The following ATG7 variants were observed in gnomAD, a reference collection of about 807,000 sequenced individuals.
ATG7 encodes autophagy related 7.
In ATG7, 70 loss-of-function variants were observed where a neutral mutation model predicts 82.4. The ratio of observed to expected loss-of-function variants is 0.85; its 90% CI spans 0.70 to 1.04. The LOEUF (loss-of-function observed/expected upper bound fraction) is 1.04, where lower values mean the gene tolerates loss of function less well. Ranked by LOEUF, ATG7 falls within the 50% of genes least tolerant of loss-of-function variation. The probability of loss-of-function intolerance (pLI) is 0.00; values close to 1 mark genes in which losing one functional copy is unlikely to be tolerated. For missense variants in ATG7, 792 were observed against 864.3 expected (o/e 0.92, Z 1.05); for synonymous variants, 287 against 313.0 (o/e 0.92, Z 0.88).
intron 19 of ATG7, among the ~76,000 whole-genome samples, chr3:11,417,887 T>C (rs2152927269): frequency 6.7e-6 from 1 of 150,208 alleles, no homozygotes; most frequent in South Asian, 2.1e-4. Context: ...CTTGGCTCAC[T>C]GAAAGCTCTG....
At chr3:11,449,373 A>C (rs2084885675) in intron 20 of ATG7, among the ~76,000 whole-genome samples, 1 of 152,150 alleles carries the variant, frequency 6.6e-6, no homozygotes, top group Admixed American at 6.5e-5. Flanking sequence ...CCATCTCTTA[A>C]ACCAACAACA....
At chr3:11,446,709 A>G (rs941769201) in intron 20 of ATG7, 5 of 244,716 alleles carry the variant, frequency 2.0e-5, no homozygotes, top group African/African-American at 1.2e-4. Context: ...CCCCACTGCC[A>G]GGGACTCAAC....
the ATG7 span, among the ~76,000 whole-genome samples, chr3:11,566,515 G>A: frequency 1.3e-5 from 2 of 152,114 alleles, no homozygotes; most frequent in African/African-American, 4.8e-5. Context: ...AGCTCAGCAC[G>A]GGCCTTGGTA....
chr3:11,568,457 GAAGGGGACTT>G, the ATG7 span: 1 of 1,137,220 alleles, frequency 8.8e-7, no homozygotes, highest in Admixed American at 2.1e-5. The surrounding 1 kb of genome is among the most constrained non-coding windows in gnomAD (Gnocchi z 5.9). Flanking sequence ...GCAGCAGGGA[GAAGGGGACTT>G]CCAGGCCCAC....
At chr3:11,411,204 G>A (rs1041302408) in intron 19 of ATG7, among the ~76,000 whole-genome samples, 1 of 152,136 alleles carries the variant, frequency 6.6e-6, no homozygotes, top group Middle Eastern at 3.2e-3. Flanking sequence ...GTGATGTTGA[G>A]CATCTTTTCG....
intron 20 of ATG7, among the ~76,000 whole-genome samples, chr3:11,543,155 C>T (rs530278626): frequency 2.0e-5 from 3 of 152,200 alleles, no homozygotes; most frequent in South Asian, 2.1e-4. Flanking sequence ...TCCTTTTAAT[C>T]TCCTCATCCC....
At chr3:11,308,074 CT>C (rs1336108865) in intron 6 of ATG7, among the ~76,000 whole-genome samples, 1 of 152,242 alleles carries the variant, frequency 6.6e-6, no homozygotes, top group African/African-American at 2.4e-5. Flanking sequence ...CTCCTAGCAG[CT>C]TCTGCCCCAT....
intron 18 of ATG7, among the ~76,000 whole-genome samples, chr3:11,370,386 C>T (rs915566666): frequency 6.6e-6 from 1 of 151,086 alleles, no homozygotes; most frequent in African/African-American, 2.4e-5. Context: ...AAGCTCTTAG[C>T]TGAAACAAAG....
intron 20 of ATG7, among the ~76,000 whole-genome samples, chr3:11,517,506 G>T (rs1010105303): frequency 1.3e-5 from 2 of 152,164 alleles, no homozygotes; most frequent in African/African-American, 4.8e-5. Flanking sequence ...CGGATCTCTG[G>T]TCTAGTCGGA....
chr3:11,374,892 C>CAAAA (rs55855960), intron 18 of ATG7, among the ~76,000 whole-genome samples: 8 of 73,518 alleles, frequency 1.1e-4, no homozygotes, highest in South Asian at 4.9e-4. Flanking sequence ...CAACAGAGCT[C>CAAAA]AAAAAAAAAA....
At chr3:11,391,979 T>A (rs1576002559) in intron 19 of ATG7, among the ~76,000 whole-genome samples, 1 of 151,762 alleles carries the variant, frequency 6.6e-6, no homozygotes, top group Non-Finnish European at 1.5e-5. Context: ...TAATTTCACT[T>A]TAAATTTTTA....
intron 20 of ATG7, among the ~76,000 whole-genome samples, chr3:11,459,071 A>G (rs1321329149): frequency 1.3e-5 from 2 of 152,012 alleles, no homozygotes; most frequent in African/African-American, 4.8e-5. Flanking sequence ...CCCTGGTGTC[A>G]GAAAAGTTTG....
chr3:11,561,404 C>T (rs1317171785), downstream of ATG7, among the ~76,000 whole-genome samples: 2 of 152,204 alleles, frequency 1.3e-5, no homozygotes, highest in African/African-American at 4.8e-5. Flanking sequence ...CATCTCCTGA[C>T]CTGAGCTGGG....
chr3:11,568,453 G>A, the ATG7 span, among the ~76,000 whole-genome samples: 1 of 152,222 alleles, frequency 6.6e-6, no homozygotes, highest in African/African-American at 2.4e-5. The surrounding 1 kb of genome is among the most constrained non-coding windows in gnomAD (Gnocchi z 5.9). Flanking sequence ...CAGGGCAGCA[G>A]GGAGAAGGGG....
rs1286878206 is a variant in ATG7 at position 11,444,564 on chromosome 3, C to A, written c.2079+17638C>A. Among the ~76,000 whole-genome samples, 8 of 152,134 alleles carry A rather than the reference C, an allele frequency of 5.3e-5. No individual in the cohort carries two copies. In the East Asian group the frequency reaches 1.5e-3, roughly 29 times the overall value. On this transcript the variant is annotated intron_variant, in intron 20 of 20. Coordinates refer to ENST00000693202, the MANE Select transcript of ATG7 (RefSeq NM_001349232.2). ...GAATTGTTGGGTCGTAGAAAATATG[C>A]CTCTTCTGGACCATGGACTTAAATG...
intron 11 of ATG7, among the ~76,000 whole-genome samples, chr3:11,336,156 C>T (rs1952447592): frequency 1.3e-5 from 2 of 150,926 alleles, no homozygotes; most frequent in Admixed American, 1.3e-4. Context: ...GCCTCAGCCT[C>T]CTGAGTAGCT....
At chr3:11,355,504 C>A (rs780925345) in intron 14 of ATG7, among the ~76,000 whole-genome samples, 1 of 152,184 alleles carries the variant, frequency 6.6e-6, no homozygotes, top group Non-Finnish European at 1.5e-5. Context: ...ATGAACAACT[C>A]CTACCACTCA....
At chr3:11,518,919 G>A (rs1433093876) in intron 20 of ATG7, among the ~76,000 whole-genome samples, 1 of 152,066 alleles carries the variant, frequency 6.6e-6, no homozygotes, top group Non-Finnish European at 1.5e-5. Flanking sequence ...AAAAAGACCT[G>A]TTGATCTCAG....
chr3:11,385,091 G>A (rs144702814), intron 19 of ATG7, among the ~76,000 whole-genome samples: 39 of 152,316 alleles, frequency 2.6e-4, no homozygotes, highest in Middle Eastern at 3.4e-3. Flanking sequence ...GTGCAGTGGC[G>A]TGATCTCAGC....
Sources: gnomAD v4.1 joint callset for allele counts (sites outside exome capture counted in the v4.1 genomes callset) on GRCh38, gnomAD v4.1.1 for gene constraint, Gnocchi (gnomAD v3.1) non-coding constraint, MANE v1.5 for transcripts, NCBI Gene and HGNC (gene_info 2026-07-23, HGNC 2026-07-21) for gene names.